The following SYTL2 variants were observed in gnomAD, a reference collection of about 807,000 sequenced individuals.
The protein encoded by SYTL2 is synaptotagmin-like protein 2.
In SYTL2, 165 loss-of-function variants were observed where a neutral mutation model predicts 198.7. The ratio of observed to expected loss-of-function variants is 0.83; its 90% CI spans 0.73 to 0.94. The LOEUF (loss-of-function observed/expected upper bound fraction) is 0.94. Among genes scored for constraint, SYTL2 ranks in the 40% least tolerant of loss-of-function variants. The probability of loss-of-function intolerance (pLI) is 0.00; values close to 1 mark genes in which losing one functional copy is unlikely to be tolerated. For missense variants in SYTL2, 2,835 were observed against 2,582.8 expected, an observed-to-expected ratio of 1.10 and a Z score of -2.12; for synonymous variants, 966 against 917.7, an observed-to-expected ratio of 1.05 and a Z score of -0.95.
chr11:85,752,476 T>G (rs1341818091), intron 2 of SYTL2, among the ~76,000 whole-genome samples: 1 of 152,130 alleles, frequency 6.6e-6, no homozygotes, highest in South Asian at 2.1e-4. Flanking sequence ...GAGCCAAACA[T>G]GATTTCGGTT....
chr11:85,839,037 C>T, the SYTL2 span, among the ~76,000 whole-genome samples: 2 of 152,014 alleles, frequency 1.3e-5, no homozygotes, highest in African/African-American at 4.8e-5. Context: ...CTGTGTTGGG[C>T]CTTTTTAAAT....
At chr11:85,809,046 C>T (rs537247040) in intron 1 of SYTL2, among the ~76,000 whole-genome samples, 2 of 152,320 alleles carry the variant, frequency 1.3e-5, no homozygotes. Context: ...CCTAGACTAG[C>T]ATCTGGGTTT....
At chr11:85,767,800 T>C (rs2092274044) in intron 1 of SYTL2, among the ~76,000 whole-genome samples, 1 of 152,174 alleles carries the variant, frequency 6.6e-6, no homozygotes, top group Non-Finnish European at 1.5e-5. Flanking sequence ...ACCTAGGATA[T>C]TTTTCAGAAT....
chr11:85,753,932 G>A (rs911256509), intron 2 of SYTL2, among the ~76,000 whole-genome samples: 23 of 152,276 alleles, frequency 1.5e-4, no homozygotes, highest in African/African-American at 5.1e-4. Flanking sequence ...TACTGAAAAA[G>A]ATTCTAAAGT....
At chr11:85,790,033 G>A (rs1217315791) in intron 1 of SYTL2, among the ~76,000 whole-genome samples, 1 of 151,858 alleles carries the variant, frequency 6.6e-6, no homozygotes, top group Admixed American at 6.6e-5. Context: ...AAGATATCTT[G>A]GGGATGAGAC....
At chr11:85,713,252 A>T (rs1209713500) in intron 12 of SYTL2, among the ~76,000 whole-genome samples, 1 of 152,224 alleles carries the variant, frequency 6.6e-6, no homozygotes, top group Non-Finnish European at 1.5e-5. Context: ...TTTCCTCAAC[A>T]TTCCATCTAC....
At chr11:85,715,020 G>C (rs2086931723) in intron 11 of SYTL2, 1 of 152,130 alleles carries the variant, frequency 6.6e-6, no homozygotes, top group African/African-American at 2.4e-5. Flanking sequence ...TTACTTTTCT[G>C]ATAGTGTTTT....
At position 85,712,494 on chromosome 11, in the gene SYTL2, T is replaced by C. The variant is rs956575168; in HGVS notation, c.5626-1262A>G. The stretch of plus-strand genomic sequence containing the variant: ...AAGGGAACAGATGAGCAAGGCCTGA[T>C]TGCATTTCCACTTTCTTTAATACCT... On this transcript the variant is annotated intron_variant, in intron 12 of 19. Transcript: ENST00000359152. Among the ~76,000 whole-genome samples, 6 of 152,128 alleles carry C rather than the reference T, an allele frequency of 3.9e-5. No homozygotes were observed. The East Asian group carries it at 1.2e-3, about 29-fold the overall frequency.
At chr11:85,847,753 G>A in the SYTL2 span, among the ~76,000 whole-genome samples, 7 of 152,150 alleles carry the variant, frequency 4.6e-5, no homozygotes, top group Non-Finnish European at 8.8e-5. Flanking sequence ...GTGCCAATTG[G>A]CCATGAATAT....
chr11:85,785,166 T>C (rs762919519), intron 1 of SYTL2, among the ~76,000 whole-genome samples: 12 of 152,176 alleles, frequency 7.9e-5, no homozygotes, highest in Non-Finnish European at 4.4e-5. Flanking sequence ...AGTGCCCAGC[T>C]AAGAGCTGGA....
At chr11:85,745,924 T>A in intron 3 of SYTL2, 152 bp from the exon 4 acceptor site, 1 of 667,220 alleles carries the variant, frequency 1.5e-6, no homozygotes, top group Non-Finnish European at 2.5e-6. Context: ...TGATCAGAAT[T>A]ACATCTAAGA....
chr11:85,731,366 G>A (rs2089806495), intron 7 of SYTL2, among the ~76,000 whole-genome samples: 1 of 152,116 alleles, frequency 6.6e-6, no homozygotes, highest in Non-Finnish European at 1.5e-5. Flanking sequence ...AAACTGCATG[G>A]TACTGGTACC....
chr11:85,711,864 T>C (rs2086356500), intron 12 of SYTL2, among the ~76,000 whole-genome samples: 1 of 152,184 alleles, frequency 6.6e-6, no homozygotes, highest in African/African-American at 2.4e-5. Context: ...AATTATACAT[T>C]CTACCCACAT....
At chr11:85,810,339 A>G (rs1473320447) in intron 1 of SYTL2, among the ~76,000 whole-genome samples, 2 of 152,130 alleles carry the variant, frequency 1.3e-5, no homozygotes, top group African/African-American at 4.8e-5. Context: ...ATGGGTGCAG[A>G]GAAAGAGAGA....
chr11:85,725,434 T>C lies in SYTL2; in HGVS notation c.3924A>G (p.Pro1308=). 1 of 1,614,118 alleles carries C rather than the reference T, an allele frequency of 6.2e-7. No homozygotes were observed. The change falls in exon 8 of 20, where the codon CCA becomes CCG. Residue 1308 remains proline, a synonymous_variant. Transcript: ENST00000359152. ...TGGAAAGCTGGGAAGTTGGATCCAA[T>C]GGATGAGAATCTTCTGCAGCCATCT... ...LIQMAAEDSH[P]LDPTSQLSRK... is the part of the protein sequence containing the mutation.
chr11:85,797,053 C>T (rs566948309), intron 1 of SYTL2, among the ~76,000 whole-genome samples: 1 of 152,202 alleles, frequency 6.6e-6, no homozygotes, highest in African/African-American at 2.4e-5. Flanking sequence ...GATCCAGGTG[C>T]AGTGGCATGC....
At chr11:85,768,552 C>T (rs568366507) in intron 1 of SYTL2, among the ~76,000 whole-genome samples, 13 of 152,178 alleles carry the variant, frequency 8.5e-5, no homozygotes, top group African/African-American at 3.1e-4. Flanking sequence ...TACATAAATC[C>T]CCAACATTTC....
chr11:85,846,734 ATTT>A, the SYTL2 span, among the ~76,000 whole-genome samples: 89 of 131,208 alleles, frequency 6.8e-4, 1 homozygote, highest in African/African-American at 2.4e-3. Flanking sequence ...GGTTGAAACT[ATTT>A]TTTTTTTTTT....
intron 1 of SYTL2, among the ~76,000 whole-genome samples, chr11:85,783,974 T>A (rs1017979885): frequency 2.6e-5 from 4 of 152,190 alleles, no homozygotes; most frequent in Non-Finnish European, 5.9e-5. Flanking sequence ...TTCCTCAGAC[T>A]GGACTTCCCC....
Sources: gnomAD v4.1 joint callset for allele counts (sites outside exome capture counted in the v4.1 genomes callset) on GRCh38, gnomAD v4.1.1 for gene constraint, MANE v1.5 for transcripts, NCBI Gene and HGNC (gene_info 2026-07-23, HGNC 2026-07-21) for gene names.